Variants in NF1 observed in about 807,000 individuals in gnomAD.
The protein encoded by NF1 is neurofibromin.
Under a neutral mutation model 325.7 loss-of-function variants are expected in NF1, and 122 were observed. The observed-to-expected ratio is 0.37, with a 90% CI of 0.32 to 0.44. The LOEUF (loss-of-function observed/expected upper bound fraction) is 0.44, where lower values mean the gene tolerates loss of function less well. Among genes scored for constraint, NF1 ranks in the 20% least tolerant of loss-of-function variants. NF1 has a pLI of 1.00. For missense variants in NF1, 2,140 were observed against 3,415.4 expected (o/e 0.63, Z 9.31); for synonymous variants, 1,091 against 1,186.0 (o/e 0.92, Z 1.65).
chr17:31,193,131 G>T (rs1241666262), intron 8 of NF1, among the ~76,000 whole-genome samples: 1 of 152,148 alleles, frequency 6.6e-6, no homozygotes, highest in Non-Finnish European at 1.5e-5. Context: ...TCAAAGTGTG[G>T]TCTTTAGACC....
At chr17:31,251,642 C>G (rs1488442352) in intron 30 of NF1, 1 of 198,594 alleles carries the variant, frequency 5.0e-6, no homozygotes, top group Non-Finnish European at 1.0e-5. Flanking sequence ...TTCAGTAAAT[C>G]TGCTTCTCCA....
intron 3 of NF1, among the ~76,000 whole-genome samples, chr17:31,160,146 C>T (rs568646414): frequency 6.6e-6 from 1 of 152,300 alleles, no homozygotes; most frequent in South Asian, 2.1e-4. Context: ...AGTGCAGTGG[C>T]ACCCTCTCGG....
chr17:31,358,805 G>A (rs2070334953), intron 55 of NF1, 164 bp from the exon 56 acceptor site: 6 of 1,046,632 alleles, frequency 5.7e-6, no homozygotes, highest in Non-Finnish European at 8.5e-6. Context: ...TTTTTATGCT[G>A]AGTATATTTT....
At chr17:31,121,784 A>G (rs946484582) in intron 1 of NF1, among the ~76,000 whole-genome samples, 4 of 152,212 alleles carry the variant, frequency 2.6e-5, no homozygotes, top group Admixed American at 2.0e-4. Context: ...TGACTTGATC[A>G]TGGGGGATAA....
chr17:31,361,770 C>G (rs1420836759), intron 57 of NF1, among the ~76,000 whole-genome samples: 1 of 152,124 alleles, frequency 6.6e-6, no homozygotes, highest in Non-Finnish European at 1.5e-5. Context: ...AACATTTCAA[C>G]TTATGTAATT....
intron 3 of NF1, among the ~76,000 whole-genome samples, chr17:31,162,035 CAAAAAAAAAAAA>C (rs781244510): frequency 1.3e-4 from 7 of 54,176 alleles, no homozygotes; most frequent in Admixed American, 5.2e-4. Context: ...GACTCCATCT[CAAAAAAAAAAAA>C]AAAAAAAAAA....
chr17:31,320,619 A>G lies in NF1; in HGVS notation c.4836-5201A>G, dbSNP rs2069161658. The G allele has an allele frequency of 7.3e-5, 35 of 477,114 alleles. No individual in the cohort carries two copies. In the East Asian group the frequency reaches 1.1e-3, roughly 15 times the overall value. 29.6% of individuals were successfully genotyped at this position (477,114 alleles called of 1,614,324 possible). A position where few individuals can be genotyped will look rare whatever the true frequency, so the allele number is the denominator to read the frequency against. ...TAACTGGAGACTATATTTCATATTA[A>G]TAGTAGGGAGGAAAAACTATTAAAT... On this transcript the variant is annotated intron_variant, in intron 36 of 57. Coordinates refer to ENST00000358273, the MANE Select transcript of NF1 (RefSeq NM_001042492.3).
chr17:31,364,101 G>C (rs970703447), intron 57 of NF1, among the ~76,000 whole-genome samples: 1 of 152,134 alleles, frequency 6.6e-6, no homozygotes, highest in Admixed American at 6.5e-5. Flanking sequence ...AAGTTGTCCA[G>C]ATTCCTAACT....
At chr17:31,165,233 G>A (rs1306137349) in intron 4 of NF1, among the ~76,000 whole-genome samples, 1 of 152,168 alleles carries the variant, frequency 6.6e-6, no homozygotes, top group Admixed American at 6.5e-5. Context: ...AGCAACTTTT[G>A]TTTATTTCCT....
At chr17:31,295,020 G>A (rs1280480366) in intron 36 of NF1, 5 of 1,614,110 alleles carry the variant, frequency 3.1e-6, no homozygotes, top group Non-Finnish European at 4.2e-6. Flanking sequence ...CAGACAGCCA[G>A]CATGACCACA....
intron 36 of NF1, chr17:31,278,195 A>G (rs1488785058): frequency 6.6e-6 from 1 of 152,160 alleles, no homozygotes; most frequent in East Asian, 1.9e-4. Flanking sequence ...TGTTTTTGAA[A>G]TGTTTCCAGA....
At position 31,351,444 on chromosome 17, in the gene NF1, T is replaced by G. The variant is rs17878810; in HGVS notation, c.7458-813T>G. 9.1e-3 allele frequency among the ~76,000 whole-genome samples: 1,380 copies of G among 152,214 alleles called. 21 individuals are homozygous for G. The highest frequency in any genetic ancestry group is 0.032 in the African/African-American group (1,321 of 41,528). On this transcript the variant is annotated intron_variant, in intron 50 of 57. Coordinates refer to ENST00000358273, the MANE Select transcript of NF1 (RefSeq NM_001042492.3). ...TTTATTAATTTTTTTTGAGACAGAG[T>G]CTTGCTCTGTCGCCCAGGCTGGAGT...
chr17:31,201,900 A>T (rs1274761828), intron 11 of NF1, among the ~76,000 whole-genome samples: 1 of 152,186 alleles, frequency 6.6e-6, no homozygotes, highest in African/African-American at 2.4e-5. Context: ...GTTGTAGTCT[A>T]GTATAGCACA....
chr17:31,279,370 A>C (rs1192952712), intron 36 of NF1, among the ~76,000 whole-genome samples: 2 of 152,256 alleles, frequency 1.3e-5, no homozygotes, highest in Admixed American at 6.5e-5. Flanking sequence ...TCAGGTTTTC[A>C]GGATTAAAAT....
chr17:31,164,796 G>T (rs2065818977), intron 4 of NF1, among the ~76,000 whole-genome samples: 1 of 152,042 alleles, frequency 6.6e-6, no homozygotes, highest in Non-Finnish European at 1.5e-5. Flanking sequence ...TGCAATTCTT[G>T]ATCCAAAGAA....
intron 14 of NF1, among the ~76,000 whole-genome samples, chr17:31,220,462 A>G (rs1315837654): frequency 2.0e-5 from 3 of 152,138 alleles, no homozygotes; most frequent in African/African-American, 7.2e-5. Context: ...AATCTTATGA[A>G]TATAACTCAA....
At chr17:31,136,377 T>C (rs1915781710) in intron 1 of NF1, 1 of 145,886 alleles carries the variant, frequency 6.9e-6, no homozygotes, top group Non-Finnish European at 1.5e-5. Context: ...GTCTCCCCGC[T>C]CCCCCCACAA....
chr17:31,243,566 A>G (rs1007218342), intron 29 of NF1, among the ~76,000 whole-genome samples: 1 of 151,842 alleles, frequency 6.6e-6, no homozygotes, highest in African/African-American at 2.4e-5. Flanking sequence ...TTTCTCAAGC[A>G]GAGGAGTCTT....
chr17:31,129,674 C>T (rs967806658), intron 1 of NF1, among the ~76,000 whole-genome samples: 3 of 152,074 alleles, frequency 2.0e-5, no homozygotes, highest in African/African-American at 4.8e-5. Context: ...CATGATTCGC[C>T]TGTCTTGGCC....
Sources: gnomAD v4.1 joint callset for allele counts (sites outside exome capture counted in the v4.1 genomes callset) on GRCh38, gnomAD v4.1.1 for gene constraint, MANE v1.5 for transcripts, NCBI Gene and HGNC (gene_info 2026-07-23, HGNC 2026-07-21) for gene names.